The following KLK5 variants were observed in gnomAD, a reference collection of about 807,000 sequenced individuals.
The protein encoded by KLK5 is kallikrein-5.
In KLK5, 18 loss-of-function variants were observed where a neutral mutation model predicts 24.0. The ratio of observed to expected loss-of-function variants is 0.75; its 90% CI spans 0.52 to 1.11. The LOEUF is 1.11. Among genes scored for constraint, KLK5 ranks in the 50% most tolerant of loss-of-function variants. The pLI, the probability that KLK5 is intolerant of heterozygous loss-of-function variation, is 0.00. For missense variants in KLK5, 374 were observed against 379.2 expected (o/e 0.99, Z 0.11); for synonymous variants, 140 against 154.0 (o/e 0.91, Z 0.67).
At position 50,948,860 on chromosome 19, in the gene KLK5, T is replaced by C. The variant is rs1197337687; in HGVS notation, c.591A>G (p.Gln197=). The C allele has an allele frequency of 1.9e-6, 3 of 1,614,090 alleles. No individual in the cohort carries two copies. Among genetic ancestry groups the C allele is most frequent in the Non-Finnish European group, 2.5e-6 (3 of 1,180,016 alleles). The stretch of plus-strand genomic sequence containing the variant: ...ATCAAGAAGAACCTGGACACTCACC[T>C]TGGGGGCTCTTGGTTGTCCCCCAGC... ...VSGWGTTKSP[Q]VHFPKVLQCL... is the part of the protein sequence containing the mutation. The change falls in exon 4 of 6, where the codon CAA becomes CAG. Residue 197 remains glutamine, a splice_region_variant and synonymous_variant. Coordinates refer to ENST00000336334, the MANE Select transcript of KLK5 (RefSeq NM_012427.5).
At chr19:50,945,629 C>T (rs1355915096) in intron 5 of KLK5, among the ~76,000 whole-genome samples, 2 of 120,668 alleles carry the variant, frequency 1.7e-5, no homozygotes, top group Admixed American at 9.5e-5. Context: ...CCCATCTCTA[C>T]GGAAAAAAAA....
At chr19:50,950,479 G>A (rs2090677484) in intron 2 of KLK5, among the ~76,000 whole-genome samples, 1 of 152,160 alleles carries the variant, frequency 6.6e-6, no homozygotes, top group South Asian at 2.1e-4. Context: ...GATGGAACTG[G>A]TCTCAAGAAG....
At chr19:50,946,758 A>C (rs2090639174) in intron 5 of KLK5, among the ~76,000 whole-genome samples, 2 of 151,956 alleles carry the variant, frequency 1.3e-5, no homozygotes, top group South Asian at 2.1e-4. Context: ...ACAGGGTTTC[A>C]CCGTGTCAGC....
chr19:50,943,454 G>A lies in KLK5; in HGVS notation c.*177C>T. 1 of 575,404 alleles carries A rather than the reference G, an allele frequency of 1.7e-6. No individual in the cohort carries two copies. Among genetic ancestry groups the A allele is most frequent in the African/African-American group, 1.9e-5 (1 of 53,686 alleles). The allele number at this position is 575,404 out of a possible 1,614,324, so 35.6% of individuals were successfully genotyped here. On this transcript the variant is annotated 3_prime_UTR_variant, in exon 6 of 6. Coordinates refer to ENST00000336334, the MANE Select transcript of KLK5 (RefSeq NM_012427.5). ...GGAAATTGTTCCCAGGGTTCAACTAGAGAGACACGGTCAGCCCAATGTGGG... is the reference window on the plus strand; with the variant it reads ...GGAAATTGTTCCCAGGGTTCAACTAAAGAGACACGGTCAGCCCAATGTGGG...
chr19:50,944,461 A>G (rs1467029398), intron 5 of KLK5, among the ~76,000 whole-genome samples: 4 of 151,728 alleles, frequency 2.6e-5, no homozygotes, highest in Admixed American at 2.0e-4. Context: ...TGTCTCCCTC[A>G]TCGTGTATCT....
chr19:50,952,628 C>T lies in KLK5; in HGVS notation c.30G>A (p.Trp10Ter). 1 of 1,605,348 alleles carries T rather than the reference C, an allele frequency of 6.2e-7. No homozygotes were observed. The highest frequency in any genetic ancestry group is 8.5e-7 in the Non-Finnish European group (1 of 1,175,866). The change falls in exon 2 of 6, where the codon TGG (tryptophan) becomes TGA (stop). Residue 10 changes from tryptophan (W) to a stop codon, truncating the protein, a stop_gained. Transcript: ENST00000336334. LOFTEE classifies it high-confidence loss of function. MATARPPWMWVLCALITALL... is the reference protein window; with the variant it reads MATARPPWM ...AGGCTGTGATCAGAGCACAGAGCAC[C>T]CACATCCAGGGGGGTCTTGCTGTAG...
In KLK5 at chr19:50,950,020, T is replaced by C. The variant is rs1053259505; in HGVS notation, c.170A>G (p.Asp57Gly). The C allele has an allele frequency of 7.4e-6, 12 of 1,613,480 alleles. No individual in the cohort carries two copies. Among genetic ancestry groups the C allele is most frequent in the Non-Finnish European group, 1.0e-5 (12 of 1,179,892 alleles). The change falls in exon 3 of 6, where the codon GAC becomes GGC. Residue 57 changes from aspartate to glycine, a missense_variant. By Grantham distance (94) the Asp-to-Gly change is moderately conservative. Coordinates refer to ENST00000336334, the MANE Select transcript of KLK5 (RefSeq NM_012427.5). ...NQDLGAGAGE[D>G]ARSDDSSSRI... ...GCTGCTGCTGTCATCCGACCGGGCGTCTTCCCCGGCCCCAGCTCCCAGGTC... is the reference window on the plus strand; with the variant it reads ...GCTGCTGCTGTCATCCGACCGGGCGCCTTCCCCGGCCCCAGCTCCCAGGTC...
intron 5 of KLK5, among the ~76,000 whole-genome samples, chr19:50,944,096 C>T (rs138045825): frequency 0.01 from 1,543 of 152,028 alleles, 25 homozygotes; most frequent in African/African-American, 0.036. Flanking sequence ...CTCCATCTCC[C>T]GGGTTCAAGC....
intron 2 of KLK5, 102 bp downstream of exon 2, chr19:50,952,483 G>A (rs1224164605): frequency 3.8e-6 from 3 of 781,056 alleles, no homozygotes; most frequent in South Asian, 4.2e-5. Flanking sequence ...CGGTCCCGGA[G>A]TCATGCCCAG....
chr19:50,952,690 G>T, intron 1 of KLK5, 22 bp from the exon 2 acceptor site: 1 of 1,553,168 alleles, frequency 6.4e-7, no homozygotes, highest in African/African-American at 1.4e-5. Context: ...ATGTCAGAGG[G>T]TTGGGAGGCC....
chr19:50,950,267 T>C, intron 2 of KLK5, 151 bp from the exon 3 acceptor site: 2 of 708,234 alleles, frequency 2.8e-6, no homozygotes. Context: ...GTGGCACCTC[T>C]CAAGCCCAGG....
rs2090698063 is a variant in KLK5, at chr19:50,952,639, GGGGTCT to G, written c.13_18del (p.Arg5_Pro6del). On this transcript the variant is annotated inframe_deletion, in exon 2 of 6. Transcript: ENST00000336334. ...AGAGCACAGAGCACCCACATCCAGG[GGGGTCT>G]TGCTGTAGCCATGGCCGCTGCACCT... The G allele has an allele frequency of 6.2e-7, 1 of 1,602,368 alleles. No individual in the cohort carries two copies. Among genetic ancestry groups the G allele is most frequent in the South Asian group, 1.1e-5 (1 of 89,710 alleles).
At chr19:50,952,045 A>C (rs2090691783) in intron 2 of KLK5, among the ~76,000 whole-genome samples, 1 of 152,058 alleles carries the variant, frequency 6.6e-6, no homozygotes, top group Non-Finnish European at 1.5e-5. Flanking sequence ...TCAGGTAGTC[A>C]CACGGTCACA....
chr19:50,949,850 C>G lies in KLK5; in HGVS notation c.335+5G>C. On this transcript the variant is annotated splice_donor_5th_base_variant and intron_variant, in intron 3 of 5. Transcript: ENST00000336334. Reference sequence around the variant, plus strand: ...ACCAACCCTCCTCTTGGAACTCCCACTCACTTCTTCCTGCAGTGGGCGGCC... The same window carrying G: ...ACCAACCCTCCTCTTGGAACTCCCAGTCACTTCTTCCTGCAGTGGGCGGCC... 1 of 1,533,654 alleles carries G rather than the reference C, an allele frequency of 6.5e-7. No individual in the cohort carries two copies. The highest frequency in any genetic ancestry group is 1.1e-5 in the South Asian group (1 of 89,792).
intron 2 of KLK5, among the ~76,000 whole-genome samples, chr19:50,951,521 C>G (rs2736438): frequency 0.44 from 66,797 of 151,950 alleles, 15,149 homozygotes; most frequent in East Asian, 0.73. Flanking sequence ...ATCCGCCTGC[C>G]TCGGCCTCCC....
chr19:50,948,872 G>A lies in KLK5; in HGVS notation c.579C>T (p.Thr193=), dbSNP rs1440652814. The change falls in exon 4 of 6, where the codon ACC becomes ACT. Residue 193 remains threonine, a synonymous_variant. Transcript: ENST00000336334. ...TKCLVSGWGT[T]KSPQVHFPKV... is the part of the protein sequence containing the mutation. ...CTGGACACTCACCTTGGGGGCTCTT[G>A]GTTGTCCCCCAGCCAGACACCAAGC... The A allele has an allele frequency of 6.2e-7, 1 of 1,614,076 alleles. No individual in the cohort carries two copies. Among genetic ancestry groups the A allele is most frequent in the South Asian group, 1.1e-5 (1 of 91,064 alleles).
chr19:50,948,263 A>C (rs193244810), intron 5 of KLK5, among the ~76,000 whole-genome samples: 1 of 151,948 alleles, frequency 6.6e-6, no homozygotes, highest in African/African-American at 2.4e-5. Context: ...CTGAGATTAC[A>C]GGCGCCCGCC....
chr19:50,943,697 C>T lies in KLK5; in HGVS notation c.816G>A (p.Pro272=), dbSNP rs377276035. 168 of 1,613,826 alleles carry T rather than the reference C, an allele frequency of 1.0e-4. 1 individual carries two copies. Among genetic ancestry groups the T allele is most frequent in the East Asian group, 9.1e-4 (41 of 44,872 alleles). Residue 272 remains proline, a synonymous_variant, in exon 6 of 6, where the codon CCG becomes CCA. Coordinates refer to ENST00000336334, the MANE Select transcript of KLK5 (RefSeq NM_012427.5). ...ACTTGCAGAGGTTCGTGTAGACACC[C>T]GGTCTGTTGGGCCGGGCACAAGGGT... ...GDYPCARPNR[P]GVYTNLCKFT...
chr19:50,946,902 A>C (rs73932687), intron 5 of KLK5, among the ~76,000 whole-genome samples: 2,280 of 142,854 alleles, frequency 0.016, 45 homozygotes, highest in African/African-American at 0.053. Flanking sequence ...CTCGCAACCC[A>C]CCCCCCCACA....
Sources: gnomAD v4.1 joint callset for allele counts (sites outside exome capture counted in the v4.1 genomes callset) on GRCh38, gnomAD v4.1.1 for gene constraint, MANE v1.5 for transcripts, NCBI Gene and HGNC (gene_info 2026-07-23, HGNC 2026-07-21) for gene names.